The following NBPF10 variants were observed in gnomAD, a reference collection of about 807,000 sequenced individuals.
NBPF10 encodes the protein NBPF family member NBPF10.
Under a neutral mutation model 77.9 loss-of-function variants are expected in NBPF10, and 63 were observed. The ratio of observed to expected loss-of-function variants is 0.81; its 90% CI spans 0.66 to 1.00. NBPF10 has a LOEUF of 1.00. Among genes scored for constraint, NBPF10 ranks in the 50% least tolerant of loss-of-function variants. The pLI is 0.00. For missense variants in NBPF10, 522 were observed against 679.8 expected (o/e 0.77, Z 2.58); for synonymous variants, 146 against 264.5 (o/e 0.55, Z 4.35).
chr1:146,072,230 A>G (rs1225844765), intron 82 of NBPF10, among the ~76,000 whole-genome samples: 2 of 19,730 alleles, frequency 1.0e-4, no homozygotes, highest in African/African-American at 6.4e-4. Context: ...ATTCTGGTAG[A>G]TCGTTATCCC....
intron 13 of NBPF10, among the ~76,000 whole-genome samples, chr1:146,126,745 C>G (rs1263041801): frequency 6.9e-6 from 1 of 144,362 alleles, no homozygotes; most frequent in Non-Finnish European, 1.5e-5. Context: ...AAAGCATGTC[C>G]TCAATAATTT....
At chr1:146,069,867 C>G (rs374012392) in intron 85 of NBPF10, among the ~76,000 whole-genome samples, 152 bp from the exon 86 acceptor site, 1 of 118,760 alleles carries the variant, frequency 8.4e-6, no homozygotes, top group Non-Finnish European at 1.8e-5. Flanking sequence ...TATGATGGGA[C>G]AGAACAGGGC....
intron 86 of NBPF10, 88 bp downstream of exon 86, chr1:146,069,455 C>G (rs1553779301): frequency 6.9e-6 from 4 of 580,614 alleles, no homozygotes; most frequent in East Asian, 6.0e-5. Context: ...TGACATCTCT[C>G]AGCTCAGTAA....
Position 146,126,422 on chromosome 1 carries a change from A to C in NBPF10, c.1854-14T>G, listed in dbSNP as rs1553790011. 8 of 1,118,702 alleles carry C rather than the reference A, an allele frequency of 7.2e-6. No individual in the cohort carries two copies. Among genetic ancestry groups the C allele is most frequent in the Non-Finnish European group, 1.1e-5 (8 of 735,768 alleles). 69.3% of individuals were successfully genotyped at this position (1,118,702 alleles called of 1,614,324 possible). A position where few individuals can be genotyped will look rare whatever the true frequency, so the allele number is the denominator to read the frequency against. ...TCCCTGCTGAGCGTGGAAAAGTAGGAAAAAGTAAAGAATAAGCCAGGGGGA... is the reference window on the plus strand; with the variant it reads ...TCCCTGCTGAGCGTGGAAAAGTAGGCAAAAGTAAAGAATAAGCCAGGGGGA... On this transcript the variant is annotated splice_polypyrimidine_tract_variant and intron_variant, in intron 13 of 89. Transcript: ENST00000583866.
chr1:146,135,999 G>A (rs1479402322), intron 7 of NBPF10, among the ~76,000 whole-genome samples: 7 of 149,936 alleles, frequency 4.7e-5, no homozygotes, highest in Non-Finnish European at 8.9e-5. Context: ...AGAAGCCGCA[G>A]TCAGTCAGGA....
chr1:146,138,836 G>A (rs1370367065), intron 5 of NBPF10, among the ~76,000 whole-genome samples: 1 of 143,620 alleles, frequency 7.0e-6, no homozygotes, highest in Non-Finnish European at 1.6e-5. Context: ...GCAGGCTGCA[G>A]TGCAGAGGCA....
intron 11 of NBPF10, among the ~76,000 whole-genome samples, chr1:146,130,408 G>T (rs1659167788): frequency 1.5e-4 from 2 of 13,154 alleles, no homozygotes; most frequent in Non-Finnish European, 4.2e-4. Flanking sequence ...AATCCTTTGG[G>T]TATACACCCA....
chr1:146,125,992 A>G lies in NBPF10; in HGVS notation c.2026+244T>C, dbSNP rs587768152. On this transcript the variant is annotated intron_variant, in intron 14 of 89. Transcript: ENST00000583866. The stretch of plus-strand genomic sequence containing the variant: ...TTTGTCATATCTGCCCAGATCCAAC[A>G]TCTTGAGAGTAGGATTATGGTGCCA... Among the ~76,000 whole-genome samples the G allele has an allele frequency of 5.6e-4, 85 of 151,722 alleles. 1 individual carries two copies. Among genetic ancestry groups the G allele is most frequent in the Admixed American group, 6.5e-4 (10 of 15,270 alleles).
rs4068076 is a variant in NBPF10, at chr1:146,136,227, G to A, written c.1091+126C>T. On this transcript the variant is annotated intron_variant, in intron 7 of 89. Coordinates refer to ENST00000583866, the Ensembl canonical transcript of NBPF10. ...TCTCTGATAAATATTTGTGTGTAGC[G>A]AGCCTGCCATGGCAATTCCTGCCCT... 6.8e-5 allele frequency: 56 copies of A among 824,956 alleles called. 1 individual carries two copies. The highest frequency in any genetic ancestry group is 5.3e-4 in the African/African-American group (30 of 56,794). The allele number at this position is 824,956 out of a possible 1,614,324, so 51.1% of individuals were successfully genotyped here. A position where few individuals can be genotyped will look rare whatever the true frequency, so the allele number is the denominator to read the frequency against.
At chr1:146,141,842 T>C (rs782572490) in intron 2 of NBPF10, 24 bp from the exon 3 acceptor site, 5 of 1,288,700 alleles carry the variant, frequency 3.9e-6, no homozygotes, top group Non-Finnish European at 5.5e-6. Flanking sequence ...GTAGAGAAAA[T>C]TTAAGAGTAG....
At chr1:146,126,141 C>T (rs1193878024) in intron 14 of NBPF10, 95 bp downstream of exon 14, 5 of 816,002 alleles carry the variant, frequency 6.1e-6, no homozygotes, top group East Asian at 2.4e-5. Context: ...GTGGCAATGA[C>T]ATCTCTCAGC....
intron 14 of NBPF10, among the ~76,000 whole-genome samples, chr1:146,125,936 C>G (rs1441967326): frequency 1.3e-5 from 2 of 151,692 alleles, no homozygotes; most frequent in Admixed American, 6.6e-5. Flanking sequence ...ACAAGATCTA[C>G]AAAATTTAGA....
intron 88 of NBPF10, among the ~76,000 whole-genome samples, chr1:146,067,742 C>G (rs1268875694): frequency 1.3e-5 from 2 of 150,848 alleles, no homozygotes; most frequent in African/African-American, 4.9e-5. Context: ...TTTGTCACAT[C>G]TGCCCAGGTC....
intron 5 of NBPF10, among the ~76,000 whole-genome samples, chr1:146,139,088 C>T (rs868951997): frequency 0.03 from 3,264 of 108,436 alleles, 84 homozygotes; most frequent in African/African-American, 0.098. Context: ...TGGTCAGAGA[C>T]TTACTTTTTT....
At chr1:146,067,386 C>A in intron 88 of NBPF10, 98 bp from the exon 89 acceptor site, 8 of 367,102 alleles carry the variant, frequency 2.2e-5, no homozygotes, top group Non-Finnish European at 3.3e-5. Context: ...TCAGGCTCCT[C>A]AGCATAAGAA....
At chr1:146,126,552 T>A in intron 13 of NBPF10, 144 bp from the exon 14 acceptor site, 1 of 710,674 alleles carries the variant, frequency 1.4e-6, no homozygotes, top group South Asian at 1.5e-5. Flanking sequence ...ATTGCCTTTA[T>A]GTTGGGATTG....
Position 146,066,642 on chromosome 1 carries a change from T to C in NBPF10, c.11145-81A>G, listed in dbSNP as rs587622768. On this transcript the variant is annotated intron_variant, in intron 89 of 89. Coordinates refer to ENST00000583866, the Ensembl canonical transcript of NBPF10. ...CCCCAGCTAGATTTCAGAAGCAACA[T>C]AAGGAAGTGGTTAGAAAAGAAAAAG... The C allele has an allele frequency of 1.7e-3, 855 of 496,876 alleles. 6 individuals are homozygous for C. In the African/African-American group the frequency reaches 0.018, roughly 10 times the overall value. 30.8% of individuals were successfully genotyped at this position (496,876 alleles called of 1,614,324 possible).
At chr1:146,069,890 A>G (rs1307232900) in intron 85 of NBPF10, among the ~76,000 whole-genome samples, 175 bp from the exon 86 acceptor site, 1 of 115,788 alleles carries the variant, frequency 8.6e-6, no homozygotes, top group Non-Finnish European at 1.9e-5. Context: ...GGTAGAAAAC[A>G]ATGAAAGAGA....
rs1377354741 is a variant in NBPF10 at position 146,141,239 on chromosome 1, CACTT to C, written c.493+361_493+364del. Among the ~76,000 whole-genome samples the C allele has an allele frequency of 1.7e-5, 2 of 118,314 alleles. 1 individual carries two copies. The highest frequency in any genetic ancestry group is 5.4e-5 in the African/African-American group (2 of 37,120). The allele number at this position is 118,314 out of a possible 152,430, so 77.6% of individuals were successfully genotyped here. On this transcript the variant is annotated intron_variant, in intron 3 of 89. Transcript: ENST00000583866. ...TCTGAAAAGATAAATCACTCACTGA[CACTT>C]ACTAAGAACATTGCCAAAAATACAG...
Sources: gnomAD v4.1 joint callset for allele counts (sites outside exome capture counted in the v4.1 genomes callset) on GRCh38, gnomAD v4.1.1 for gene constraint, MANE v1.5 for transcripts, NCBI Gene and HGNC (gene_info 2026-07-23, HGNC 2026-07-21) for gene names.